The following SEMG1 variants were observed in gnomAD, a reference collection of about 807,000 sequenced individuals.
SEMG1 encodes the protein semenogelin 1.
SEMG1 carries 6 observed loss-of-function variants against 8.8 expected under a neutral mutation model. The observed-to-expected ratio is 0.68, with a 90% confidence interval of 0.37 to 1.35. The LOEUF is 1.35. Ranked by LOEUF, SEMG1 falls within the 40% of genes most tolerant of loss-of-function variation. SEMG1 has a pLI of 0.02. For missense variants in SEMG1, 580 were observed against 533.6 expected (o/e 1.09, Z -0.86); for synonymous variants, 221 against 190.3 (o/e 1.16, Z -1.33).
rs757069027 is a variant in SEMG1, at chr20:45,207,854, A to C, written c.557A>C (p.Lys186Thr). The change falls in exon 2 of 3, where the codon AAA becomes ACA. Residue 186 changes from lysine to threonine, a missense_variant. Coordinates refer to ENST00000372781, the MANE Select transcript of SEMG1 (RefSeq NM_003007.5). ...TSVSGAQKGR[K>T]QGGSQSSYVL... ...GTCTCTGGTGCACAAAAAGGTAGAA[A>C]ACAAGGCGGATCCCAAAGCAGTTAT... 9.9e-6 allele frequency: 16 copies of C among 1,614,004 alleles called. No individual in the cohort carries two copies. Among genetic ancestry groups the C allele is most frequent in the Middle Eastern group, 1.6e-4 (1 of 6,062 alleles).
chr20:45,207,287 T>A, intron 1 of SEMG1, 87 bp from the exon 2 acceptor site: 1 of 1,450,856 alleles, frequency 6.9e-7, no homozygotes, highest in Non-Finnish European at 9.4e-7. Flanking sequence ...GAAATATCAA[T>A]AATTTGTTGG....
Position 45,207,842 on chromosome 20 carries a change from A to G in SEMG1, c.545A>G (p.Gln182Arg), listed in dbSNP as rs1425931418. The G allele has an allele frequency of 1.9e-6, 3 of 1,613,894 alleles. No homozygotes were observed. In the Admixed American group the frequency reaches 5.0e-5, roughly 27 times the overall value. ...GAACAAACTTCCGTCTCTGGTGCAC[A>G]AAAAGGTAGAAAACAAGGCGGATCC... The part of the protein sequence containing the change: ...SKEQTSVSGA[Q>R]KGRKQGGSQS... Residue 182 changes from glutamine (Q) to arginine (R), a missense_variant, in exon 2 of 3, where the codon CAA (glutamine) becomes CGA (arginine). Coordinates refer to ENST00000372781, the MANE Select transcript of SEMG1 (RefSeq NM_003007.5).
In SEMG1 at chr20:45,207,835, G is replaced by T; in HGVS notation, c.538G>T (p.Gly180Cys). ...AAGTAAAGAACAAACTTCCGTCTCT[G>T]GTGCACAAAAAGGTAGAAAACAAGG... Reference protein sequence around the residue: ...GLSKEQTSVSGAQKGRKQGGS... With the variant: ...GLSKEQTSVSCAQKGRKQGGS... Residue 180 changes from glycine to cysteine, a missense_variant, in exon 2 of 3, where the codon GGT (glycine) becomes TGT (cysteine). Gly to Cys is a radical substitution (Grantham distance 159). Transcript: ENST00000372781. 6.2e-7 allele frequency: 1 copy of T among 1,613,668 alleles called. No homozygotes were observed. The highest frequency in any genetic ancestry group is 8.5e-7 in the Non-Finnish European group (1 of 1,179,694).
At position 45,208,526 on chromosome 20, in the gene SEMG1, C is replaced by A. The variant is rs1469139221; in HGVS notation, c.1229C>A (p.Ser410Tyr). 6.2e-7 allele frequency: 1 copy of A among 1,613,876 alleles called. No individual in the cohort carries two copies. The highest frequency in any genetic ancestry group is 8.5e-7 in the Non-Finnish European group (1 of 1,179,938). The change falls in exon 2 of 3, where the codon TCT (serine) becomes TAT (tyrosine). Residue 410 changes from serine (S) to tyrosine (Y), a missense_variant. Coordinates refer to ENST00000372781, the MANE Select transcript of SEMG1 (RefSeq NM_003007.5). ...AATGCAAAAGGAGAGTCTGGCCAAT[C>A]TACAAATAGAGAACAAGACCTACTC... ...GENAKGESGQSTNREQDLLSH... is the reference protein window; with the variant it reads ...GENAKGESGQYTNREQDLLSH...
In SEMG1 at chr20:45,208,720, C is replaced by T. The variant is rs369833696; in HGVS notation, c.*34C>T. ...TTCGGTAACCATGTGAAAGGATGGA[C>T]CAATATCAAGGTAATTTTTTTTTAG... On this transcript the variant is annotated 3_prime_UTR_variant, in exon 2 of 3. Coordinates refer to ENST00000372781, the MANE Select transcript of SEMG1 (RefSeq NM_003007.5). 6.0e-4 allele frequency: 878 copies of T among 1,454,078 alleles called. No homozygotes were observed. Among genetic ancestry groups the T allele is most frequent in the South Asian group, 1.3e-3 (104 of 77,482 alleles). 90.1% of individuals were successfully genotyped at this position (1,454,078 alleles called of 1,614,324 possible).
Position 45,207,386 on chromosome 20 carries a change from G to A in SEMG1, c.89G>A (p.Gly30Asp), listed in dbSNP as rs1210218212. 1.9e-6 allele frequency: 3 copies of A among 1,610,200 alleles called. No individual in the cohort carries two copies. Among genetic ancestry groups the A allele is most frequent in the Non-Finnish European group, 2.5e-6 (3 of 1,178,414 alleles). Residue 30 changes from glycine to aspartate, a missense_variant, in exon 2 of 3, where the codon GGC (glycine) becomes GAC (aspartate). Gly to Asp is a moderately conservative substitution (Grantham distance 94). Transcript: ENST00000372781. ...TATCAATTACCAGGTGGATCAAAAGGCCGATTACCAAGTGAATTTTCCCAA... is the reference window on the plus strand; with the variant it reads ...TATCAATTACCAGGTGGATCAAAAGACCGATTACCAAGTGAATTTTCCCAA... Reference protein sequence around the residue: ...AVMGQKGGSKGRLPSEFSQFP... With the variant: ...AVMGQKGGSKDRLPSEFSQFP...
In SEMG1 at chr20:45,208,693, C is replaced by A; in HGVS notation, c.*7C>A. 1 of 1,575,292 alleles carries A rather than the reference C, an allele frequency of 6.3e-7. No individual in the cohort carries two copies. Among genetic ancestry groups the A allele is most frequent in the South Asian group, 1.2e-5 (1 of 85,970 alleles). ...AAACCCATTATTTACATAAACCTAC[C>A]ATTCGGTAACCATGTGAAAGGATGG... On this transcript the variant is annotated 3_prime_UTR_variant, in exon 2 of 3. Transcript: ENST00000372781.
In SEMG1 at chr20:45,207,147, G is replaced by A; in HGVS notation, c.76+18G>A. The A allele has an allele frequency of 6.2e-7, 1 of 1,613,600 alleles. No homozygotes were observed. The highest frequency in any genetic ancestry group is 8.5e-7 in the Non-Finnish European group (1 of 1,179,712). ...ACAAAAAGGTGAGTGGAGAGGGTAA[G>A]CCTTGGGGAAAGCTGCTCAGACAGC... On this transcript the variant is annotated intron_variant, in intron 1 of 2. Coordinates refer to ENST00000372781, the MANE Select transcript of SEMG1 (RefSeq NM_003007.5).
Position 45,208,613 on chromosome 20 carries a change from T to C in SEMG1, c.1316T>C (p.Ile439Thr), listed in dbSNP as rs1325998581. 2 of 1,613,678 alleles carry C rather than the reference T, an allele frequency of 1.2e-6. No individual in the cohort carries two copies. The highest frequency in any genetic ancestry group is 1.7e-6 in the Non-Finnish European group (2 of 1,179,850). ...GSHGGLDIVI[I>T]EQEDDSDRHL... Reference sequence around the variant, plus strand: ...CATGGGGGATTGGATATTGTAATTATAGAGCAGGAAGATGACAGTGATCGT... The same window carrying C: ...CATGGGGGATTGGATATTGTAATTACAGAGCAGGAAGATGACAGTGATCGT... Residue 439 changes from isoleucine to threonine, a missense_variant, in exon 2 of 3, where the codon ATA (isoleucine) becomes ACA (threonine). Transcript: ENST00000372781.
chr20:45,207,308 G>A (rs1983712848), intron 1 of SEMG1, 66 bp from the exon 2 acceptor site: 1 of 1,446,924 alleles, frequency 6.9e-7, no homozygotes, highest in East Asian at 2.3e-5. Context: ...GGGAAAAGTG[G>A]GGGGTAAGAG....
At position 45,207,105 on chromosome 20, in the gene SEMG1, C is replaced by A. The variant is rs1983707774; in HGVS notation, c.52C>A (p.Gln18Lys). 4 of 1,613,690 alleles carry A rather than the reference C, an allele frequency of 2.5e-6. No homozygotes were observed. The highest frequency in any genetic ancestry group is 1.1e-5 in the South Asian group (1 of 91,076). Residue 18 changes from glutamine (Q) to lysine (K), a missense_variant, in exon 1 of 3, where the codon CAA becomes AAA. Gln to Lys is a moderately conservative substitution (Grantham distance 53). Transcript: ENST00000372781. The part of the protein sequence containing the change: ...VLSLLLILEK[Q>K]AAVMGQKGGS... Reference sequence around the variant, plus strand: ...TTCCCTGCTCCTCATCTTGGAGAAGCAAGCAGCTGTGATGGGACAAAAAGG... The same window carrying A: ...TTCCCTGCTCCTCATCTTGGAGAAGAAAGCAGCTGTGATGGGACAAAAAGG...
In SEMG1 at chr20:45,208,647, A is replaced by G. The variant is rs1454243054; in HGVS notation, c.1350A>G (p.Ala450=). The G allele has an allele frequency of 1.2e-6, 2 of 1,612,524 alleles. No homozygotes were observed. The highest frequency in any genetic ancestry group is 2.7e-5 in the African/African-American group (2 of 74,828). Residue 450 remains alanine, a synonymous_variant, in exon 2 of 3, where the codon GCA becomes GCG. Coordinates refer to ENST00000372781, the MANE Select transcript of SEMG1 (RefSeq NM_003007.5). The part of the protein sequence containing the change: ...EQEDDSDRHL[A]QHLNNDRNPL... ...AAGATGACAGTGATCGTCATTTGGC[A>G]CAACATCTTAACAACGACCGAAACC...
At position 45,207,862 on chromosome 20, in the gene SEMG1, G is replaced by A. The variant is rs113377758; in HGVS notation, c.565G>A (p.Gly189Arg). ...SGAQKGRKQG[G>R]SQSSYVLQTE... ...TGCACAAAAAGGTAGAAAACAAGGC[G>A]GATCCCAAAGCAGTTATGTTCTCCA... is the stretch of plus-strand genomic sequence containing the variant. The change falls in exon 2 of 3, where the codon GGA (glycine) becomes AGA (arginine). Residue 189 changes from glycine (G) to arginine (R), a missense_variant. Gly to Arg is a moderately radical substitution (Grantham distance 125). Transcript: ENST00000372781. 7.1e-5 allele frequency: 114 copies of A among 1,613,860 alleles called. 4 individuals are homozygous for A. The Middle Eastern group carries it at 2.1e-3, about 30-fold the overall frequency.
At chr20:45,207,304 A>T in intron 1 of SEMG1, 70 bp from the exon 2 acceptor site, 1 of 1,446,490 alleles carries the variant, frequency 6.9e-7, no homozygotes, top group Admixed American at 2.1e-5. Context: ...TTGGGGGAAA[A>T]GTGGGGGGTA....
chr20:45,208,853 G>A, intron 2 of SEMG1, 123 bp downstream of exon 2: 2 of 531,142 alleles, frequency 3.8e-6, no homozygotes, highest in East Asian at 3.1e-5. Context: ...TGTATAACAA[G>A]TGGTAGGAAG....
chr20:45,209,095 A>C (rs959054407), intron 2 of SEMG1, among the ~76,000 whole-genome samples: 5 of 152,274 alleles, frequency 3.3e-5, no homozygotes, highest in Middle Eastern at 6.8e-3. Context: ...AGTAAACCTC[A>C]GTTTCTTTCC....
rs201445338 is a variant in SEMG1, at chr20:45,207,374, G to A, written c.77G>A (p.Gly26Asp). ...EKQAAVMGQK[G>D]GSKGRLPSEF... is the part of the protein sequence containing the mutation. ...ATACCTTCTTATTATCAATTACCAGGTGGATCAAAAGGCCGATTACCAAGT... is the reference window on the plus strand; with the variant it reads ...ATACCTTCTTATTATCAATTACCAGATGGATCAAAAGGCCGATTACCAAGT... The change falls in exon 2 of 3, where the codon GGT becomes GAT. Residue 26 changes from glycine (G) to aspartate (D), a missense_variant and splice_region_variant. Physicochemically the swap from Gly to Asp is moderately conservative, Grantham distance 94. Transcript: ENST00000372781. 2.8e-5 allele frequency: 45 copies of A among 1,606,004 alleles called. No individual in the cohort carries two copies. In the African/African-American group the frequency reaches 5.9e-4, roughly 21 times the overall value.
Position 45,208,203 on chromosome 20 carries a change from A to G in SEMG1, c.906A>G (p.Glu302=), listed in dbSNP as rs959345789. The G allele has an allele frequency of 6.2e-7, 1 of 1,613,420 alleles. No individual in the cohort carries two copies. The highest frequency in any genetic ancestry group is 1.3e-5 in the African/African-American group (1 of 74,898). The stretch of plus-strand genomic sequence containing the variant: ...AAGAAAGACGACTCCACTATGGAGA[A>G]AATGGTGTGCAGAAAGATGTATCCC... The part of the protein sequence containing the change: ...STEERRLHYG[E]NGVQKDVSQS... The change falls in exon 2 of 3, where the codon GAA becomes GAG. Residue 302 remains glutamate (E), a synonymous_variant. Transcript: ENST00000372781.
At position 45,208,489 on chromosome 20, in the gene SEMG1, T is replaced by C; in HGVS notation, c.1192T>C (p.Trp398Arg). 2 of 1,613,942 alleles carry C rather than the reference T, an allele frequency of 1.2e-6. No individual in the cohort carries two copies. Among genetic ancestry groups the C allele is most frequent in the Non-Finnish European group, 1.7e-6 (2 of 1,179,938 alleles). Residue 398 changes from tryptophan to arginine, a missense_variant, in exon 2 of 3, where the codon TGG becomes CGG. By Grantham distance (101) the Trp-to-Arg change is moderately radical. Coordinates refer to ENST00000372781, the MANE Select transcript of SEMG1 (RefSeq NM_003007.5). ...GGCACCAAATCCTAAGCAAGAGCCA[T>C]GGCATGGTGAAAATGCAAAAGGAGA... ...IQAPNPKQEPWHGENAKGESG... is the reference protein window; with the variant it reads ...IQAPNPKQEPRHGENAKGESG...
Sources: allele counts gnomAD v4.1 joint callset (sites outside exome capture counted in the v4.1 genomes callset), GRCh38; gene constraint gnomAD v4.1.1; transcripts MANE v1.5; gene names NCBI Gene and HGNC (gene_info 2026-07-23, HGNC 2026-07-21).